Variants in INSIG2 observed in about 807,000 individuals in gnomAD.
INSIG2 encodes insulin-induced gene 2 protein.
In INSIG2, 10 loss-of-function variants were observed where a neutral mutation model predicts 27.2. That is an observed-to-expected ratio of 0.37 (90% CI 0.23 to 0.62). The LOEUF (loss-of-function observed/expected upper bound fraction) is 0.62. Among genes scored for constraint, INSIG2 ranks in the 20% least tolerant of loss-of-function variants. The probability of loss-of-function intolerance (pLI) is 0.65; values close to 1 mark genes in which losing one functional copy is unlikely to be tolerated. For synonymous variants in INSIG2, 97 were observed against 95.8 expected, an observed-to-expected ratio of 1.01 and a Z score of -0.07; for missense variants, 178 against 270.2, an observed-to-expected ratio of 0.66 and a Z score of 2.39.
intron 3 of INSIG2, among the ~76,000 whole-genome samples, chr2:118,106,123 C>G (rs1305545812): frequency 6.6e-6 from 1 of 152,194 alleles, no homozygotes; most frequent in Non-Finnish European, 1.5e-5. Context: ...CACTTCAAGG[C>G]TTTATCCTCA....
Position 118,108,462 on chromosome 2 carries a change from A to G in INSIG2, c.*140A>G, listed in dbSNP as rs2104542977. The G allele has an allele frequency of 1.8e-6, 1 of 558,446 alleles. No individual in the cohort carries two copies. Among genetic ancestry groups the G allele is most frequent in the Non-Finnish European group, 3.2e-6 (1 of 309,802 alleles). 34.6% of individuals were successfully genotyped at this position (558,446 alleles called of 1,614,324 possible). On this transcript the variant is annotated 3_prime_UTR_variant, in exon 6 of 6. Transcript: ENST00000245787. ...TTGGCGTGTGTGTATATATGGATAA[A>G]TATATATATACACACACACATATTA...
chr2:118,105,638 TAG>T (rs1268940641), intron 3 of INSIG2, among the ~76,000 whole-genome samples: 10 of 152,184 alleles, frequency 6.6e-5, no homozygotes, highest in African/African-American at 2.4e-4. Flanking sequence ...TTGCCCACAA[TAG>T]TCCTGAGATT....
Position 118,108,418 on chromosome 2 carries a change from G to A in INSIG2, c.*96G>A. 1 of 905,490 alleles carries A rather than the reference G, an allele frequency of 1.1e-6. No individual in the cohort carries two copies. Among genetic ancestry groups the A allele is most frequent in the Non-Finnish European group, 1.8e-6 (1 of 565,538 alleles). 56.1% of individuals were successfully genotyped at this position (905,490 alleles called of 1,614,324 possible). A position where few individuals can be genotyped will look rare whatever the true frequency, so the allele number is the denominator to read the frequency against. The stretch of plus-strand genomic sequence containing the variant: ...AAACTTCAGACTGTAAAATTGCCAG[G>A]ATGCAGTTTTCCCCTTGATTGGCGT... On this transcript the variant is annotated 3_prime_UTR_variant, in exon 6 of 6. Transcript: ENST00000245787.
At chr2:118,107,057 C>T (rs748004451) in intron 4 of INSIG2, 33 bp from the exon 5 acceptor site, 1 of 1,499,052 alleles carries the variant, frequency 6.7e-7, no homozygotes. Context: ...TGCAGTTCCT[C>T]TGTGGGTATT....
chr2:118,095,552 C>T (rs1170866229), intron 1 of INSIG2, among the ~76,000 whole-genome samples: 1 of 152,118 alleles, frequency 6.6e-6, no homozygotes, highest in Non-Finnish European at 1.5e-5. Flanking sequence ...ATAGAAAGCC[C>T]CAAAAGGAAA....
At chr2:118,107,359 A>C (rs2104541449) in intron 5 of INSIG2, among the ~76,000 whole-genome samples, 170 bp downstream of exon 5, 1 of 152,354 alleles carries the variant, frequency 6.6e-6, no homozygotes, top group South Asian at 2.1e-4. Context: ...GTGTTTTAAA[A>C]GTTGAGGAGC....
chr2:118,089,925 T>C (rs186600514), intron 1 of INSIG2, among the ~76,000 whole-genome samples: 11 of 152,366 alleles, frequency 7.2e-5, no homozygotes, highest in Admixed American at 7.2e-4. Flanking sequence ...TAAATGCAGC[T>C]AACTTACTGG....
chr2:118,092,944 G>C (rs1363376181), intron 1 of INSIG2, among the ~76,000 whole-genome samples: 1 of 140,672 alleles, frequency 7.1e-6, no homozygotes, highest in Non-Finnish European at 1.6e-5. Flanking sequence ...TTATGATGAT[G>C]ATGAGGAGGA....
Position 118,109,101 on chromosome 2 carries a change from T to C in INSIG2, c.*779T>C, listed in dbSNP as rs948350720. 3 of 152,206 alleles carry C rather than the reference T, an allele frequency of 2.0e-5. No homozygotes were observed. The highest frequency in any genetic ancestry group is 4.4e-5 in the Non-Finnish European group (3 of 68,030). The allele number at this position is 152,206 out of a possible 1,614,324, so 9.4% of individuals were successfully genotyped here. On this transcript the variant is annotated 3_prime_UTR_variant, in exon 6 of 6. Coordinates refer to ENST00000245787, the MANE Select transcript of INSIG2 (RefSeq NM_016133.4). ...CATTAGAGGATTTAATTAGAATAAA[T>C]ACATGTTTTGGAAATACAGTGACCT...
At chr2:118,100,637 CA>C (rs2104532405) in intron 2 of INSIG2, among the ~76,000 whole-genome samples, 1 of 152,214 alleles carries the variant, frequency 6.6e-6, no homozygotes, top group Admixed American at 6.5e-5. Flanking sequence ...CTCGGCCTCT[CA>C]AAGTGCTGGG....
intron 1 of INSIG2, among the ~76,000 whole-genome samples, chr2:118,092,364 TAAAG>T (rs954028657): frequency 2.0e-5 from 3 of 152,212 alleles, no homozygotes; most frequent in Non-Finnish European, 4.4e-5. Flanking sequence ...CTAGTACTAT[TAAAG>T]AAAATTTCAA....
intron 1 of INSIG2, among the ~76,000 whole-genome samples, chr2:118,094,222 CA>C (rs1678351042): frequency 8.7e-6 from 1 of 114,424 alleles, no homozygotes; most frequent in Non-Finnish European, 1.8e-5. Context: ...TGAACCTTGC[CA>C]AAAGCAACCA....
At chr2:118,098,162 G>A (rs541703096) in intron 2 of INSIG2, among the ~76,000 whole-genome samples, 3 of 152,156 alleles carry the variant, frequency 2.0e-5, no homozygotes, top group African/African-American at 4.8e-5. Flanking sequence ...AAGAGAAAAC[G>A]TTTTCTCAAC....
chr2:118,110,089 A>G lies in INSIG2; in HGVS notation c.*1767A>G, dbSNP rs963881157. ...GAATATGGTACTGTGGATTAATCTA[A>G]TGAAATTAACATATGTGGTTGAAGT... On this transcript the variant is annotated 3_prime_UTR_variant, in exon 6 of 6. Transcript: ENST00000245787. 1.3e-5 allele frequency: 2 copies of G among 152,492 alleles called. No homozygotes were observed. Among genetic ancestry groups the G allele is most frequent in the African/African-American group, 4.8e-5 (2 of 41,412 alleles). The allele number at this position is 152,492 out of a possible 1,614,324, so 9.4% of individuals were successfully genotyped here. A position where few individuals can be genotyped will look rare whatever the true frequency, so the allele number is the denominator to read the frequency against.
intron 1 of INSIG2, among the ~76,000 whole-genome samples, chr2:118,089,729 C>T (rs1329692015): frequency 3.3e-5 from 5 of 151,938 alleles, no homozygotes; most frequent in South Asian, 2.1e-4. Context: ...CATGTCCACT[C>T]GGGAAAGAGG....
At chr2:118,090,324 T>A (rs1036889562) in intron 1 of INSIG2, among the ~76,000 whole-genome samples, 1 of 152,330 alleles carries the variant, frequency 6.6e-6, no homozygotes, top group African/African-American at 2.4e-5. Flanking sequence ...TTGCAGTTGT[T>A]ACAATGCAAC....
chr2:118,103,076 T>G lies in INSIG2; in HGVS notation c.245-121T>G, dbSNP rs1416360823. On this transcript the variant is annotated intron_variant, in intron 2 of 5. Coordinates refer to ENST00000245787, the MANE Select transcript of INSIG2 (RefSeq NM_016133.4). Reference sequence around the variant, plus strand: ...GTGATTGATGTGAAATAACTTTTTTTTTTGTTTTTTTTTTTTTAAGAATCT... The same window carrying G: ...GTGATTGATGTGAAATAACTTTTTTGTTTGTTTTTTTTTTTTTAAGAATCT... 17 of 969,574 alleles carry G rather than the reference T, an allele frequency of 1.8e-5. 1 individual carries two copies. The highest frequency in any genetic ancestry group is 2.2e-5 in the Non-Finnish European group (15 of 679,870). 60.1% of individuals were successfully genotyped at this position (969,574 alleles called of 1,614,324 possible).
chr2:118,097,619 G>C (rs1198383053), intron 2 of INSIG2, among the ~76,000 whole-genome samples: 2 of 152,070 alleles, frequency 1.3e-5, no homozygotes, highest in African/African-American at 4.8e-5. Context: ...CTTCCACAAT[G>C]GATAGCACTT....
Position 118,103,051 on chromosome 2 carries a change from GTGAT to G in INSIG2, c.245-141_245-138del, listed in dbSNP as rs1447143356. On this transcript the variant is annotated intron_variant, in intron 2 of 5. Transcript: ENST00000245787. ...TTGGAAGGTAAGTTAAAAAATATCG[GTGAT>G]TGATGTGAAATAACTTTTTTTTTTG... 25 of 673,378 alleles carry G rather than the reference GTGAT, an allele frequency of 3.7e-5. No individual in the cohort carries two copies. The Middle Eastern group carries it at 1.4e-3, about 37-fold the overall frequency. The allele number at this position is 673,378 out of a possible 1,614,324, so 41.7% of individuals were successfully genotyped here.
Sources: gnomAD v4.1 joint callset for allele counts (sites outside exome capture counted in the v4.1 genomes callset) on GRCh38, gnomAD v4.1.1 for gene constraint, MANE v1.5 for transcripts, NCBI Gene and HGNC (gene_info 2026-07-23, HGNC 2026-07-21) for gene names.